Variants in TPPP2 observed in about 807,000 individuals in gnomAD.
TPPP2 encodes tubulin polymerization promoting protein family member 2, also known as tubulin polymerization-promoting protein family member 2.
TPPP2 carries 8 observed loss-of-function variants against 13.0 expected under a neutral mutation model. The ratio of observed to expected loss-of-function variants is 0.62; its 90% CI spans 0.36 to 1.11. The LOEUF (loss-of-function observed/expected upper bound fraction) is 1.11. Ranked by LOEUF, TPPP2 falls within the 50% of genes most tolerant of loss-of-function variation. TPPP2 has a pLI of 0.02. For missense variants in TPPP2, 213 were observed against 216.9 expected (o/e 0.98, Z 0.11); for synonymous variants, 81 against 81.8 (o/e 0.99, Z 0.05).
chr14:21,034,308 A>G, downstream of TPPP2: 1 of 1,588,056 alleles, frequency 6.3e-7, no homozygotes, highest in Non-Finnish European at 8.6e-7. Context: ...TGGTAGAGTT[A>G]AGGTGGTTGG....
downstream of TPPP2, chr14:21,032,976 C>T (rs185545100): frequency 3.6e-4 from 164 of 456,084 alleles, 2 homozygotes; most frequent in Admixed American, 3.8e-3. Context: ...CGATTAGAGC[C>T]GGGCCTGCCT....
At chr14:21,035,383 A>G (rs1884549926), downstream of TPPP2, among the ~76,000 whole-genome samples, 1 of 152,150 alleles carries the variant, frequency 6.6e-6, no homozygotes. Context: ...TTGATCTCTG[A>G]GTGGTTTGCC....
In TPPP2 at chr14:21,032,522, T is replaced by C. The variant is rs1884290893; in HGVS notation, c.*445T>C. 1 of 347,106 alleles carries C rather than the reference T, an allele frequency of 2.9e-6. No individual in the cohort carries two copies. The highest frequency in any genetic ancestry group is 4.3e-5 in the Admixed American group (1 of 23,226). The allele number at this position is 347,106 out of a possible 1,614,324, so 21.5% of individuals were successfully genotyped here. ...ATCCTTCCCTGTCCCTCCACCTTCC[T>C]CATCTGTTGCAATTCAGGTTTTTTG... On this transcript the variant is annotated 3_prime_UTR_variant, in exon 4 of 4. Coordinates refer to ENST00000321760, the MANE Select transcript of TPPP2 (RefSeq NM_173846.5).
downstream of TPPP2, chr14:21,032,940 C>T (rs770978422): frequency 1.3e-5 from 6 of 455,960 alleles, no homozygotes; most frequent in African/African-American, 6.0e-5. Context: ...CTTACATACT[C>T]AGATGTGGTT....
chr14:21,024,952 G>C, intron 1 of TPPP2: 3 of 985,584 alleles, frequency 3.0e-6, no homozygotes, highest in Non-Finnish European at 3.6e-6. Context: ...TCCAGGGGAC[G>C]CGGATCAATC....
In TPPP2 at chr14:21,032,686, A is replaced by G. The variant is rs1884307495; in HGVS notation, c.*609A>G. 2 of 348,282 alleles carry G rather than the reference A, an allele frequency of 5.7e-6. No homozygotes were observed. The highest frequency in any genetic ancestry group is 4.4e-5 in the South Asian group (2 of 45,890). 21.6% of individuals were successfully genotyped at this position (348,282 alleles called of 1,614,324 possible). The stretch of plus-strand genomic sequence containing the variant: ...CCACATCACCTCCATCATGGGGCAC[A>G]TGGGACAGAAGAGCTTACTGACTGC... On this transcript the variant is annotated 3_prime_UTR_variant, in exon 4 of 4. Coordinates refer to ENST00000321760, the MANE Select transcript of TPPP2 (RefSeq NM_173846.5).
Position 21,032,525 on chromosome 14 carries a change from T to C in TPPP2, c.*448T>C. On this transcript the variant is annotated 3_prime_UTR_variant, in exon 4 of 4. Coordinates refer to ENST00000321760, the MANE Select transcript of TPPP2 (RefSeq NM_173846.5). ...CTTCCCTGTCCCTCCACCTTCCTCA[T>C]CTGTTGCAATTCAGGTTTTTTGGGT... 2 of 346,948 alleles carry C rather than the reference T, an allele frequency of 5.8e-6. No individual in the cohort carries two copies. The highest frequency in any genetic ancestry group is 1.7e-4 in the East Asian group (2 of 11,628). The allele number at this position is 346,948 out of a possible 1,614,324, so 21.5% of individuals were successfully genotyped here.
At chr14:21,029,590 C>A (rs1883923835), upstream of TPPP2, among the ~76,000 whole-genome samples, 1 of 152,176 alleles carries the variant, frequency 6.6e-6, no homozygotes, top group South Asian at 2.1e-4. Context: ...GACAGCGAGA[C>A]TCCATCTCAA....
At chr14:21,029,656 G>C (rs888900826), upstream of TPPP2, among the ~76,000 whole-genome samples, 2 of 152,190 alleles carry the variant, frequency 1.3e-5, no homozygotes, top group Non-Finnish European at 2.9e-5. Flanking sequence ...ATGGTATTAG[G>C]AGATGGGGCA....
At chr14:21,030,775 A>G in intron 2 of TPPP2, 21 bp downstream of exon 2, 1 of 1,611,118 alleles carries the variant, frequency 6.2e-7, no homozygotes, top group Non-Finnish European at 8.5e-7. Flanking sequence ...AAAAATATGG[A>G]GGTGGGGGTG....
chr14:21,031,244 A>T (rs778716953), intron 3 of TPPP2, 79 bp downstream of exon 3: 15 of 1,530,798 alleles, frequency 9.8e-6, no homozygotes, highest in Non-Finnish European at 1.3e-5. Context: ...AACCCTGCCA[A>T]CTGTGTGACT....
At chr14:21,024,711 A>C in intron 1 of TPPP2, 1 of 985,344 alleles carries the variant, frequency 1.0e-6, no homozygotes, top group Non-Finnish European at 1.2e-6. Context: ...AGGGATGGGT[A>C]GGACAGAGGA....
chr14:21,029,896 T>C (rs1883944943), upstream of TPPP2, among the ~76,000 whole-genome samples: 1 of 152,212 alleles, frequency 6.6e-6, no homozygotes, highest in South Asian at 2.1e-4. Flanking sequence ...CTGTTGTTTA[T>C]AAGCCACCCA....
At position 21,030,307 on chromosome 14, in the gene TPPP2, A is replaced by C; in HGVS notation, c.-70+3A>C. The C allele has an allele frequency of 2.4e-6, 1 of 424,968 alleles. No homozygotes were observed. The highest frequency in any genetic ancestry group is 4.3e-6 in the Non-Finnish European group (1 of 230,144). 26.3% of individuals were successfully genotyped at this position (424,968 alleles called of 1,614,324 possible). Reference sequence around the variant, plus strand: ...GACCACCATCCGGGTACTCTAAGGTACATAAAAGAGGTAGGGGAAAGAGAG... The same window carrying C: ...GACCACCATCCGGGTACTCTAAGGTCCATAAAAGAGGTAGGGGAAAGAGAG... On this transcript the variant is annotated splice_donor_region_variant and intron_variant, in intron 1 of 3. Coordinates refer to ENST00000321760, the MANE Select transcript of TPPP2 (RefSeq NM_173846.5).
At chr14:21,031,213 T>C (rs1884096320) in intron 3 of TPPP2, 48 bp downstream of exon 3, 1 of 1,596,054 alleles carries the variant, frequency 6.3e-7, no homozygotes, top group Non-Finnish European at 8.5e-7. Context: ...TAAATCCCCA[T>C]TGTTCCAGTC....
chr14:21,033,753 G>T, downstream of TPPP2: 2 of 1,085,446 alleles, frequency 1.8e-6, no homozygotes, highest in Non-Finnish European at 2.9e-6. Flanking sequence ...TTGTTACAGG[G>T]ATCAGAGTGT....
At chr14:21,026,433 A>G (rs1265077903), upstream of TPPP2, among the ~76,000 whole-genome samples, 3 of 150,878 alleles carry the variant, frequency 2.0e-5, no homozygotes, top group Admixed American at 1.3e-4. Context: ...TGAGCTGCCA[A>G]CTGCAACACC....
At chr14:21,024,763 C>T (rs962861251) in intron 1 of TPPP2, 8 of 985,426 alleles carry the variant, frequency 8.1e-6, no homozygotes, top group Middle Eastern at 1.0e-3. Context: ...CCTACGAGTC[C>T]CTACGCAGCC....
chr14:21,031,742 C>A, intron 3 of TPPP2, 150 bp from the exon 4 acceptor site: 2 of 802,252 alleles, frequency 2.5e-6, no homozygotes, highest in Non-Finnish European at 3.9e-6. Context: ...CTGCCCACAG[C>A]TGTATCTGGG....
Sources: allele counts gnomAD v4.1 joint callset (sites outside exome capture counted in the v4.1 genomes callset), GRCh38; gene constraint gnomAD v4.1.1; transcripts MANE v1.5; gene names NCBI Gene and HGNC (gene_info 2026-07-23, HGNC 2026-07-21).